LAMA2: variants seen among roughly 807,000 people sequenced by gnomAD.
LAMA2 encodes laminin subunit alpha 2, also known as laminin subunit alpha-2.
Under a neutral mutation model 364.8 loss-of-function variants are expected in LAMA2, and 269 were observed. The observed-to-expected ratio is 0.74, with a 90% CI of 0.67 to 0.82. The LOEUF is 0.82. Ranked by LOEUF, LAMA2 falls within the 40% of genes least tolerant of loss-of-function variation. The pLI is 0.00. For synonymous variants in LAMA2, 1,379 were observed against 1,370.6 expected, an observed-to-expected ratio of 1.01 and a Z score of -0.14; for missense variants, 3,807 against 3,873.2, an observed-to-expected ratio of 0.98 and a Z score of 0.45.
intron 1 of LAMA2, among the ~76,000 whole-genome samples, chr6:128,978,626 C>G (rs1467170612): frequency 6.6e-6 from 1 of 152,114 alleles, no homozygotes; most frequent in Non-Finnish European, 1.5e-5. Context: ...AGTACCTGCC[C>G]TTCTCTAAAG....
intron 2 of LAMA2, among the ~76,000 whole-genome samples, chr6:129,055,176 T>TTTATTA (rs1554207591): frequency 2.7e-4 from 34 of 123,754 alleles, no homozygotes; most frequent in Admixed American, 5.6e-4. Flanking sequence ...ATTATTATTA[T>TTTATTA]TTATTATTAT....
At chr6:129,129,851 G>A (rs1195343816) in intron 4 of LAMA2, among the ~76,000 whole-genome samples, 1 of 148,856 alleles carries the variant, frequency 6.7e-6, no homozygotes, top group Admixed American at 6.7e-5. Flanking sequence ...GTGAACCCGG[G>A]AGGCGGAGCT....
intron 34 of LAMA2, among the ~76,000 whole-genome samples, chr6:129,371,321 T>G (rs929961908): frequency 2.6e-5 from 4 of 151,746 alleles, no homozygotes; most frequent in Admixed American, 6.6e-5. Context: ...ATTAGACAAC[T>G]GCATGCAGGT....
chr6:129,473,110 G>A, intron 51 of LAMA2, 104 bp from the exon 52 acceptor site: 2 of 807,668 alleles, frequency 2.5e-6, no homozygotes, highest in Non-Finnish European at 4.1e-6. Context: ...GAAAGTCAAT[G>A]TTAATTCTCG....
Position 129,391,792 on chromosome 6 carries a change from C to CATCT in LAMA2, c.5234+162_5234+165dup, listed in dbSNP as rs10648375. ...TGGAGATATTTGCTATGTTATCTATCATCTATCTATCTATCTATCTATCTA... is the reference window on the plus strand; with the variant it reads ...TGGAGATATTTGCTATGTTATCTATCATCTATCTATCTATCTATCTATCTATCTA... On this transcript the variant is annotated intron_variant, in intron 36 of 64. Coordinates refer to ENST00000421865, the MANE Select transcript of LAMA2 (RefSeq NM_000426.4). 0.044 allele frequency: 29,955 copies of CATCT among 681,556 alleles called. 1,124 individuals carry two copies. The highest frequency in any genetic ancestry group is 0.15 in the African/African-American group (8,151 of 54,820). 42.2% of individuals were successfully genotyped at this position (681,556 alleles called of 1,614,324 possible).
intron 1 of LAMA2, among the ~76,000 whole-genome samples, chr6:128,932,044 GA>G (rs67882436): frequency 0.07 from 10,647 of 151,946 alleles, 450 homozygotes; most frequent in South Asian, 0.12. Context: ...ATAATAAAAG[GA>G]AAAAAACCTC....
chr6:128,908,478 G>GAT, intron 1 of LAMA2, among the ~76,000 whole-genome samples: 1 of 147,956 alleles, frequency 6.8e-6, no homozygotes, highest in Admixed American at 6.7e-5. Context: ...GATCGGTGGT[G>GAT]ATATCCCCTT....
At chr6:129,078,275 C>A (rs1010141775) in intron 3 of LAMA2, among the ~76,000 whole-genome samples, 1 of 151,960 alleles carries the variant, frequency 6.6e-6, no homozygotes, top group Admixed American at 6.6e-5. Context: ...CCTGGAACTA[C>A]AGGTGCGCGC....
intron 3 of LAMA2, among the ~76,000 whole-genome samples, chr6:129,091,278 A>G (rs375534790): frequency 2.0e-4 from 30 of 152,286 alleles, no homozygotes; most frequent in African/African-American, 6.0e-4. Flanking sequence ...TTGAAAAACA[A>G]TTTCAACAAA....
intron 1 of LAMA2, among the ~76,000 whole-genome samples, chr6:128,887,959 A>T (rs903789481): frequency 1.3e-5 from 2 of 152,226 alleles, no homozygotes; most frequent in South Asian, 4.1e-4. Context: ...TTTAGCATCT[A>T]GAAACCATGT....
intron 51 of LAMA2, among the ~76,000 whole-genome samples, chr6:129,467,825 T>C (rs1562591526): frequency 1.3e-5 from 2 of 151,936 alleles, no homozygotes; most frequent in South Asian, 2.1e-4. Context: ...AAATATGTTT[T>C]AGGTTTACTG....
intron 51 of LAMA2, among the ~76,000 whole-genome samples, chr6:129,466,052 T>C (rs1264383081): frequency 6.6e-6 from 1 of 151,960 alleles, no homozygotes; most frequent in East Asian, 1.9e-4. Flanking sequence ...ATGTTGCCAA[T>C]GCCAGTGTGA....
chr6:129,228,002 T>C (rs1428418248), intron 12 of LAMA2, among the ~76,000 whole-genome samples: 1 of 152,142 alleles, frequency 6.6e-6, no homozygotes, highest in Non-Finnish European at 1.5e-5. Flanking sequence ...AGCCACAGTT[T>C]GTTTGCCTAC....
intron 1 of LAMA2, among the ~76,000 whole-genome samples, chr6:128,892,509 T>C (rs1776521609): frequency 6.6e-6 from 1 of 152,062 alleles, no homozygotes; most frequent in Admixed American, 6.5e-5. Flanking sequence ...TTTAGATAAA[T>C]ATATGGCATA....
chr6:129,405,226 C>A (rs1452544542), intron 40 of LAMA2, among the ~76,000 whole-genome samples: 11 of 152,040 alleles, frequency 7.2e-5, no homozygotes, highest in African/African-American at 2.4e-4. Flanking sequence ...AAATAGTAGG[C>A]ACTTATAAAT....
At chr6:129,444,043 TTAAG>T (rs1782247821) in intron 44 of LAMA2, among the ~76,000 whole-genome samples, 1 of 152,084 alleles carries the variant, frequency 6.6e-6, no homozygotes, top group African/African-American at 2.4e-5. Context: ...AGATTAAAAA[TTAAG>T]TGATTGTCAA....
rs372212378 is a variant in LAMA2, at chr6:129,454,283, A to T, written c.6702A>T (p.Ala2234=). The T allele has an allele frequency of 1.6e-5, 25 of 1,610,634 alleles. No individual in the cohort carries two copies. The East Asian group carries it at 4.5e-4, about 29-fold the overall frequency. The stretch of plus-strand genomic sequence containing the variant: ...ACTCATATTGGTACCGTATCGTAGC[A>T]TCAAGGTAACCAACTTAATAAAGAT... ...IDDSYWYRIV[A]SRTGRNGTIS... The change falls in exon 47 of 65, where the codon GCA becomes GCT. Residue 2234 remains alanine (A), a synonymous_variant. Transcript: ENST00000421865.
chr6:129,184,795 G>A (rs1781133944), intron 10 of LAMA2, among the ~76,000 whole-genome samples: 1 of 151,772 alleles, frequency 6.6e-6, no homozygotes, highest in African/African-American at 2.4e-5. Context: ...TCTCACTGAA[G>A]CCTATTTTCA....
At chr6:129,195,503 T>C (rs1187313974) in intron 12 of LAMA2, among the ~76,000 whole-genome samples, 6 of 152,168 alleles carry the variant, frequency 3.9e-5, no homozygotes, top group African/African-American at 1.4e-4. Flanking sequence ...CTAGGAAAAC[T>C]TAGCACGTTT....
Sources: gnomAD v4.1 joint callset for allele counts (sites outside exome capture counted in the v4.1 genomes callset) on GRCh38, gnomAD v4.1.1 for gene constraint, MANE v1.5 for transcripts, NCBI Gene and HGNC (gene_info 2026-07-23, HGNC 2026-07-21) for gene names.